CFAP299: variants seen among roughly 807,000 people sequenced by gnomAD.
CFAP299 encodes cilia and flagella associated protein 299, also known as cilia- and flagella-associated protein 299.
Under a neutral mutation model 27.0 loss-of-function variants are expected in CFAP299, and 21 were observed. The ratio of observed to expected loss-of-function variants is 0.78; its 90% confidence interval spans 0.55 to 1.12. CFAP299 has a LOEUF of 1.12. Among genes scored for constraint, CFAP299 ranks in the 50% most tolerant of loss-of-function variants. The probability of loss-of-function intolerance (pLI) is 0.00; values close to 1 mark genes in which losing one functional copy is unlikely to be tolerated. For missense variants in CFAP299, 310 were observed against 276.6 expected (o/e 1.12, Z -0.86); for synonymous variants, 104 against 98.1 (o/e 1.06, Z -0.36).
rs76416664 is a variant in CFAP299, at chr4:80,502,663, C to T, written c.243-80430C>T. On this transcript the variant is annotated intron_variant, in intron 2 of 5. Transcript: ENST00000358105. ...TCTTTCTTGGTTTTCTGTCTGCTTC[C>T]GTGGATTCTTTTTTTGGCTATTTCC... Among the ~76,000 whole-genome samples the T allele has an allele frequency of 2.9e-3, 438 of 152,140 alleles. 3 individuals are homozygous for T. The highest frequency in any genetic ancestry group is 8.5e-3 in the African/African-American group (354 of 41,528).
intron 3 of CFAP299, among the ~76,000 whole-genome samples, chr4:80,825,425 T>TATA (rs145656191): frequency 0.15 from 22,745 of 151,866 alleles, 2,044 homozygotes; most frequent in African/African-American, 0.26. Flanking sequence ...TTAAGAAATA[T>TATA]GGTTCTTCCT....
At chr4:80,936,355 A>G (rs1736888877) in intron 4 of CFAP299, among the ~76,000 whole-genome samples, 2 of 152,178 alleles carry the variant, frequency 1.3e-5, no homozygotes, top group Non-Finnish European at 2.9e-5. Flanking sequence ...TTGCAGCACT[A>G]TTCACAATAG....
chr4:80,527,064 AT>A (rs1733224839), intron 2 of CFAP299, among the ~76,000 whole-genome samples: 1 of 152,144 alleles, frequency 6.6e-6, no homozygotes, highest in Non-Finnish European at 1.5e-5. Context: ...AGAGGATAAA[AT>A]TAGATCATGC....
rs546729810 is a variant in CFAP299 at position 80,641,737 on chromosome 4, C to T, written c.333+58554C>T. 1.6e-4 allele frequency among the ~76,000 whole-genome samples: 25 copies of T among 152,244 alleles called. No homozygotes were observed. The South Asian group carries it at 3.5e-3, about 21-fold the overall frequency. On this transcript the variant is annotated intron_variant, in intron 3 of 5. Coordinates refer to ENST00000358105, the MANE Select transcript of CFAP299 (RefSeq NM_152770.3). ...AAGACTACACGGGACATCACATGGA[C>T]GTGATCTAAGTGAGCATTATTTGGC...
the CFAP299 span, among the ~76,000 whole-genome samples, chr4:80,325,282 C>A: frequency 2.6e-5 from 4 of 152,144 alleles, no homozygotes; most frequent in African/African-American, 9.7e-5. Context: ...CAGTAGGTAG[C>A]TGGAATTATC....
At position 80,363,996 on chromosome 4, in the gene CFAP299, A is replaced by G. The variant is rs537645336; in HGVS notation, c.242+1112A>G. On this transcript the variant is annotated intron_variant, in intron 2 of 5. Transcript: ENST00000358105. ...CAGTTACTCAGGAGGCTGAGGCAGG[A>G]GAATGACGTGAACCCGGGAGGCGGA... is the stretch of plus-strand genomic sequence containing the variant. 5.5e-4 allele frequency among the ~76,000 whole-genome samples: 83 copies of G among 151,864 alleles called. 1 individual carries two copies. Among genetic ancestry groups the G allele is most frequent in the African/African-American group, 2.0e-3 (81 of 41,364 alleles).
chr4:80,402,373 T>A (rs924120377), intron 2 of CFAP299, among the ~76,000 whole-genome samples: 1 of 152,134 alleles, frequency 6.6e-6, no homozygotes, highest in Non-Finnish European at 1.5e-5. Context: ...GGGGAGGTAA[T>A]TCAATCATGG....
intron 2 of CFAP299, among the ~76,000 whole-genome samples, chr4:80,526,516 CAATT>C (rs1012755477): frequency 7.9e-5 from 12 of 151,944 alleles, no homozygotes; most frequent in African/African-American, 1.2e-4. Flanking sequence ...TTTTTCTTAA[CAATT>C]AAGAAGTAAA....
intron 2 of CFAP299, chr4:80,388,548 TC>T: frequency 6.9e-7 from 1 of 1,449,238 alleles, no homozygotes; most frequent in Non-Finnish European, 9.6e-7. Context: ...TTCTTACACT[TC>T]CCACAGAGAA....
intron 2 of CFAP299, among the ~76,000 whole-genome samples, chr4:80,482,346 C>T (rs1017228210): frequency 6.6e-6 from 1 of 151,996 alleles, no homozygotes; most frequent in Non-Finnish European, 1.5e-5. Flanking sequence ...AATAACATCA[C>T]CCATAAAGTA....
At chr4:80,585,724 AGT>A (rs1231994063) in intron 3 of CFAP299, among the ~76,000 whole-genome samples, 3 of 152,162 alleles carry the variant, frequency 2.0e-5, no homozygotes, top group Non-Finnish European at 4.4e-5. Flanking sequence ...TATGGGGATA[AGT>A]GTGTCTCCAT....
chr4:80,763,114 C>T (rs1230327280), intron 3 of CFAP299, among the ~76,000 whole-genome samples: 1 of 152,022 alleles, frequency 6.6e-6, no homozygotes, highest in African/African-American at 2.4e-5. Context: ...AGCAACCAGG[C>T]AAGAGAAAGA....
intron 2 of CFAP299, among the ~76,000 whole-genome samples, chr4:80,442,528 A>G (rs1007525350): frequency 1.3e-5 from 2 of 152,210 alleles, no homozygotes; most frequent in African/African-American, 4.8e-5. Context: ...GACACAACAT[A>G]CCAGAATCTC....
intron 3 of CFAP299, among the ~76,000 whole-genome samples, chr4:80,777,035 C>G (rs1726583953): frequency 6.6e-6 from 1 of 152,010 alleles, no homozygotes; most frequent in South Asian, 2.1e-4. Flanking sequence ...ACTATCATGT[C>G]TACTCTTTTT....
intron 3 of CFAP299, among the ~76,000 whole-genome samples, chr4:80,812,222 A>G (rs1215346780): frequency 2.0e-5 from 3 of 152,068 alleles, no homozygotes; most frequent in Non-Finnish European, 4.4e-5. Flanking sequence ...CTGCCTCCCA[A>G]TCTTCTTGAA....
chr4:80,771,228 T>G (rs6826114), intron 3 of CFAP299, among the ~76,000 whole-genome samples: 8,340 of 152,214 alleles, frequency 0.055, 780 homozygotes, highest in African/African-American at 0.19. Context: ...CCTAGGGTTA[T>G]TGTGAAGCAT....
At chr4:80,842,627 G>A (rs889415217) in intron 3 of CFAP299, among the ~76,000 whole-genome samples, 4 of 152,116 alleles carry the variant, frequency 2.6e-5, no homozygotes, top group African/African-American at 4.8e-5. Context: ...AACAATAGCC[G>A]AGGCTTGTGA....
chr4:80,736,326 T>A (rs1191906961), intron 3 of CFAP299, among the ~76,000 whole-genome samples: 1 of 152,134 alleles, frequency 6.6e-6, no homozygotes, highest in Non-Finnish European at 1.5e-5. Flanking sequence ...CAGCACCATT[T>A]ATTAAATAGG....
At chr4:80,436,182 G>A (rs999590698) in intron 2 of CFAP299, among the ~76,000 whole-genome samples, 1 of 152,074 alleles carries the variant, frequency 6.6e-6, no homozygotes, top group South Asian at 2.1e-4. Context: ...TTTTAGTTAG[G>A]ATTTCCAAAA....
Sources: gnomAD v4.1 joint callset for allele counts (sites outside exome capture counted in the v4.1 genomes callset) on GRCh38, gnomAD v4.1.1 for gene constraint, MANE v1.5 for transcripts, NCBI Gene and HGNC (gene_info 2026-07-23, HGNC 2026-07-21) for gene names.